Variants in TNK2 observed in about 807,000 individuals in gnomAD.
TNK2 encodes the protein tyrosine kinase non receptor 2, also known as activated CDC42 kinase 1.
Under a neutral mutation model 101.8 loss-of-function variants are expected in TNK2, and 83 were observed. That is an observed-to-expected ratio of 0.82 (90% CI 0.68 to 0.98). The LOEUF (loss-of-function observed/expected upper bound fraction) is 0.98, where lower values mean the gene tolerates loss of function less well. TNK2 is among the 50% of genes least tolerant of loss of function. TNK2 has a pLI of 0.00. For missense variants in TNK2, 1,665 were observed against 1,483.2 expected, an observed-to-expected ratio of 1.12 and a Z score of -2.01; for synonymous variants, 804 against 633.0, an observed-to-expected ratio of 1.27 and a Z score of -4.06.
In TNK2 at chr3:195,864,292, C is replaced by G. The variant is rs977333224; in HGVS notation, c.3162-105G>C. ...GCCAGGCAACACCACTGGAAGCTGG[C>G]AGTCCCCGGCAAGGACTGTAAAATT... On this transcript the variant is annotated intron_variant, in intron 15 of 15. Coordinates refer to ENST00000672887, the MANE Select transcript of TNK2 (RefSeq NM_001382273.1). 10 of 1,304,720 alleles carry G rather than the reference C, an allele frequency of 7.7e-6. No individual in the cohort carries two copies. In the African/African-American group the frequency reaches 1.3e-4, roughly 17 times the overall value. The allele number at this position is 1,304,720 out of a possible 1,614,324, so 80.8% of individuals were successfully genotyped here.
At position 195,867,585 on chromosome 3, in the gene TNK2, C is replaced by G. The variant is rs148323328; in HGVS notation, c.2713G>C (p.Val905Leu). Residue 905 changes from valine (V) to leucine (L), a missense_variant, in exon 13 of 16, where the codon GTG (valine) becomes CTG (leucine). Around this residue, in one of 3 missense-constraint regions of TNK2, gnomAD observed 1,136 missense variants for 894.9 expected, o/e 1.27. Coordinates refer to ENST00000672887, the MANE Select transcript of TNK2 (RefSeq NM_001382273.1). ...QSPEEPTPLPVPLLLPPPSTP... is the reference protein window; with the variant it reads ...QSPEEPTPLPLPLLLPPPSTP... Reference sequence around the variant, plus strand: ...CTGGGTGGGGGCAGCAGCAGAGGCACAGGCAGGGGGGTAGGCTCCTCGGGG... The same window carrying G: ...CTGGGTGGGGGCAGCAGCAGAGGCAGAGGCAGGGGGGTAGGCTCCTCGGGG... 342 of 1,587,242 alleles carry G rather than the reference C, an allele frequency of 2.2e-4. No homozygotes were observed. The highest frequency in any genetic ancestry group is 2.6e-4 in the Non-Finnish European group (309 of 1,174,662).
At chr3:195,871,272 T>C (rs541338383) in intron 10 of TNK2, among the ~76,000 whole-genome samples, 2 of 152,174 alleles carry the variant, frequency 1.3e-5, no homozygotes, top group South Asian at 4.1e-4. Flanking sequence ...GGCCTTATCC[T>C]CTTACATAGG....
intron 10 of TNK2, among the ~76,000 whole-genome samples, chr3:195,870,635 C>T (rs960289149): frequency 6.6e-6 from 1 of 152,248 alleles, no homozygotes; most frequent in South Asian, 2.1e-4. Flanking sequence ...CCAGGAGGTG[C>T]GGGAGAGGCT....
intron 1 of TNK2, chr3:195,896,391 C>A (rs1239335599): frequency 6.5e-6 from 2 of 309,146 alleles, no homozygotes; most frequent in Non-Finnish European, 1.3e-5. Flanking sequence ...CTAGGTGAGG[C>A]TCCCTCTACG....
chr3:195,883,991 G>A (rs1481041460), intron 4 of TNK2: 2 of 152,516 alleles, frequency 1.3e-5, no homozygotes, highest in Admixed American at 6.5e-5. Context: ...CGCACTGAGT[G>A]GACGGAGAAT....
chr3:195,890,227 C>A (rs912140923), intron 1 of TNK2, among the ~76,000 whole-genome samples: 2 of 152,196 alleles, frequency 1.3e-5, no homozygotes, highest in African/African-American at 4.8e-5. Context: ...TGAGGCTGCA[C>A]AGCCCCCTAT....
chr3:195,878,153 G>T lies in TNK2; in HGVS notation c.1256+100C>A. ...AGGCCCAACCGCCAGCCTGTATGTG[G>T]CCAAGGGAATCTTGGAGGCCAAACA... On this transcript the variant is annotated intron_variant, in intron 9 of 15. Coordinates refer to ENST00000672887, the MANE Select transcript of TNK2 (RefSeq NM_001382273.1). The surrounding 1 kb of genome is among the most constrained non-coding windows in gnomAD (Gnocchi z 4.7). 7.7e-7 allele frequency: 1 copy of T among 1,294,216 alleles called. No homozygotes were observed. Among genetic ancestry groups the T allele is most frequent in the Non-Finnish European group, 1.1e-6 (1 of 896,790 alleles). The allele number at this position is 1,294,216 out of a possible 1,614,324, so 80.2% of individuals were successfully genotyped here. A position where few individuals can be genotyped will look rare whatever the true frequency, so the allele number is the denominator to read the frequency against.
In TNK2 at chr3:195,888,577, C is replaced by T. The variant is rs1038297849; in HGVS notation, c.12G>A (p.Glu4=). ...GCTCCAGCAGCCAGCCTGTGCCCTC[C>T]TCTGGCTGCATTCTGCCGCCTCCCA... MQP[E]EGTGWLLELL... The change falls in exon 2 of 16, where the codon GAG becomes GAA. Residue 4 remains glutamate, a synonymous_variant. Coordinates refer to ENST00000672887, the MANE Select transcript of TNK2 (RefSeq NM_001382273.1). The surrounding 1 kb of genome is among the most constrained non-coding windows in gnomAD (Gnocchi z 5.3). 7 of 1,611,574 alleles carry T rather than the reference C, an allele frequency of 4.3e-6. No homozygotes were observed. Among genetic ancestry groups the T allele is most frequent in the Non-Finnish European group, 5.9e-6 (7 of 1,179,472 alleles).
Position 195,863,599 on chromosome 3 carries a change from G to A in TNK2, c.*582C>T, listed in dbSNP as rs1040658594. 4 of 152,970 alleles carry A rather than the reference G, an allele frequency of 2.6e-5. No homozygotes were observed. The highest frequency in any genetic ancestry group is 7.2e-5 in the African/African-American group (3 of 41,454). 9.5% of individuals were successfully genotyped at this position (152,970 alleles called of 1,614,324 possible). On this transcript the variant is annotated 3_prime_UTR_variant, in exon 16 of 16. Transcript: ENST00000672887. The stretch of plus-strand genomic sequence containing the variant: ...CTGGCACCCTTTCTCCGCTTCCTGA[G>A]CCACCTCAGGCTATTTCCAGGCACA...
intron 1 of TNK2, chr3:195,895,360 CGCAGCGGCACCG>C (rs752770826): frequency 6.4e-7 from 1 of 1,558,238 alleles, no homozygotes; most frequent in South Asian, 1.2e-5. Flanking sequence ...GCCCCCGCCC[CGCAGCGGCACCG>C]GCAGCGTCAC....
chr3:195,906,520 A>C (rs1411812664), intron 1 of TNK2, among the ~76,000 whole-genome samples: 1 of 152,136 alleles, frequency 6.6e-6, no homozygotes, highest in Non-Finnish European at 1.5e-5. Flanking sequence ...TTCCGTTTAC[A>C]GTAAATGCTG....
In TNK2 at chr3:195,867,921, C is replaced by G. The variant is rs1202287442; in HGVS notation, c.2377G>C (p.Val793Leu). ...QWPGPASPPR[V>L]PPREPLSPQG... is the part of the protein sequence containing the mutation. ...GGGGACAGGGGCTCCCGCGGAGGCA[C>G]CCGGGGAGGGGAAGCAGGTCCAGGC... The change falls in exon 13 of 16, where the codon GTG becomes CTG. Residue 793 changes from valine (V) to leucine (L), a missense_variant. Physicochemically the swap from Val to Leu is conservative, Grantham distance 32. Around this residue, in one of 3 missense-constraint regions of TNK2, gnomAD observed 1,136 missense variants for 894.9 expected, o/e 1.27. Coordinates refer to ENST00000672887, the MANE Select transcript of TNK2 (RefSeq NM_001382273.1). The G allele has an allele frequency of 4.6e-6, 7 of 1,533,996 alleles. No individual in the cohort carries two copies. Among genetic ancestry groups the G allele is most frequent in the Non-Finnish European group, 6.1e-6 (7 of 1,151,226 alleles).
chr3:195,898,532 T>C (rs1760883010), intron 1 of TNK2, among the ~76,000 whole-genome samples: 1 of 152,170 alleles, frequency 6.6e-6, no homozygotes, highest in African/African-American at 2.4e-5. Context: ...CTCACCTAGT[T>C]CCCCACCTCT....
chr3:195,898,092 C>T (rs1487426890), intron 1 of TNK2, among the ~76,000 whole-genome samples: 1 of 152,016 alleles, frequency 6.6e-6, no homozygotes, highest in Non-Finnish European at 1.5e-5. Flanking sequence ...CCCTTAAACT[C>T]TGCTTCTGCG....
intron 10 of TNK2, 53 bp from the exon 11 acceptor site, chr3:195,870,258 G>A (rs1479590602): frequency 3.1e-6 from 5 of 1,595,582 alleles, no homozygotes; most frequent in Non-Finnish European, 4.3e-6. Flanking sequence ...TGGAGGGGTG[G>A]CAGAATCTCA....
chr3:195,867,341 C>T lies in TNK2; in HGVS notation c.2937+20G>A, dbSNP rs760803924. 1 of 1,608,338 alleles carries T rather than the reference C, an allele frequency of 6.2e-7. No individual in the cohort carries two copies. Among genetic ancestry groups the T allele is most frequent in the Non-Finnish European group, 8.5e-7 (1 of 1,177,920 alleles). On this transcript the variant is annotated intron_variant, in intron 13 of 15. Coordinates refer to ENST00000672887, the MANE Select transcript of TNK2 (RefSeq NM_001382273.1). ...CTTGGGCCCTGCCCCGCTTCGCCCA[C>T]AGCCAGGCTGGGTGCTCACCATCTG...
In TNK2 at chr3:195,867,505, G is replaced by C. The variant is rs768940228; in HGVS notation, c.2793C>G (p.Ala931=). 3 of 1,560,960 alleles carry C rather than the reference G, an allele frequency of 1.9e-6. No individual in the cohort carries two copies. Among genetic ancestry groups the C allele is most frequent in the East Asian group, 2.3e-5 (1 of 44,168 alleles). ...TATVRPMPQA[A]LDPKANFSTN... is the part of the protein sequence containing the mutation. The stretch of plus-strand genomic sequence containing the variant: ...TGGAGAAGTTGGCCTTGGGGTCCAA[G>C]GCAGCCTGGGGCATCGGCCGCACGG... Residue 931 remains alanine, a synonymous_variant, in exon 13 of 16, where the codon GCC becomes GCG. Coordinates refer to ENST00000672887, the MANE Select transcript of TNK2 (RefSeq NM_001382273.1).
At position 195,891,190 on chromosome 3, in the gene TNK2, G is replaced by A. The variant is rs573662940; in HGVS notation, c.-18-2584C>T. Among the ~76,000 whole-genome samples, 3 of 152,022 alleles carry A rather than the reference G, an allele frequency of 2.0e-5. No individual in the cohort carries two copies. In the East Asian group the frequency reaches 5.8e-4, roughly 29 times the overall value. On this transcript the variant is annotated intron_variant, in intron 1 of 15. Coordinates refer to ENST00000672887, the MANE Select transcript of TNK2 (RefSeq NM_001382273.1). ...TCCCAGCACTTAGGCTGAGGTGGGC[G>A]GATCACCTGAGTTCGAGACCAGCCT...
At chr3:195,870,943 T>TG (rs1174206188) in intron 10 of TNK2, among the ~76,000 whole-genome samples, 48 of 111,420 alleles carry the variant, frequency 4.3e-4, no homozygotes, top group South Asian at 1.2e-3. Flanking sequence ...GCCCGCTGTG[T>TG]GGGTTCTGGT....
Sources: gnomAD v4.1 joint callset for allele counts (sites outside exome capture counted in the v4.1 genomes callset) on GRCh38, gnomAD v4.1.1 for gene constraint, gnomAD v4.1.1 regional missense constraint, Gnocchi (gnomAD v3.1) non-coding constraint, MANE v1.5 for transcripts, NCBI Gene and HGNC (gene_info 2026-07-23, HGNC 2026-07-21) for gene names.